The following TRAPPC9 variants were observed in gnomAD, a reference collection of about 807,000 sequenced individuals.
TRAPPC9 encodes IKK2 binding protein.
TRAPPC9 carries 83 observed loss-of-function variants against 124.0 expected under a neutral mutation model. That is an observed-to-expected ratio of 0.67 (90% CI 0.56 to 0.80). TRAPPC9 has a LOEUF of 0.80. Ranked by LOEUF, TRAPPC9 falls within the 30% of genes least tolerant of loss-of-function variation. The pLI is 0.00. For synonymous variants in TRAPPC9, 638 were observed against 617.5 expected, an observed-to-expected ratio of 1.03 and a Z score of -0.49; for missense variants, 1,302 against 1,508.3, an observed-to-expected ratio of 0.86 and a Z score of 2.27.
At chr8:140,378,172 C>G (rs996353796) in intron 7 of TRAPPC9, among the ~76,000 whole-genome samples, 1 of 152,156 alleles carries the variant, frequency 6.6e-6, no homozygotes, top group African/African-American at 2.4e-5. Context: ...CAACTTTAAA[C>G]TAAACCCTCT....
intron 21 of TRAPPC9, among the ~76,000 whole-genome samples, chr8:139,744,028 C>G (rs1001979037): frequency 6.6e-6 from 1 of 152,154 alleles, no homozygotes; most frequent in Non-Finnish European, 1.5e-5. Flanking sequence ...CACAGGTACA[C>G]GCGAACGTGC....
chr8:140,279,689 C>T (rs1255136758), intron 14 of TRAPPC9, among the ~76,000 whole-genome samples: 4 of 152,044 alleles, frequency 2.6e-5, no homozygotes, highest in South Asian at 4.1e-4. Context: ...CACGCACCCC[C>T]GTCACAGTGC....
intron 1 of TRAPPC9, among the ~76,000 whole-genome samples, chr8:140,451,707 G>A (rs181716076): frequency 2.7e-4 from 41 of 152,232 alleles, no homozygotes; most frequent in African/African-American, 7.0e-4. Flanking sequence ...GAATAAACAC[G>A]TGTGTAATTG....
At chr8:140,057,545 T>A (rs1012808172) in intron 17 of TRAPPC9, among the ~76,000 whole-genome samples, 13 of 152,298 alleles carry the variant, frequency 8.5e-5, no homozygotes, top group East Asian at 1.9e-4. Flanking sequence ...ACAACATGGA[T>A]GAGGCTTGAG....
At chr8:140,179,522 A>C (rs2062151149) in intron 17 of TRAPPC9, among the ~76,000 whole-genome samples, 1 of 152,104 alleles carries the variant, frequency 6.6e-6, no homozygotes, top group East Asian at 1.9e-4. Context: ...CAAATGTTCA[A>C]TGTGTATTTG....
At chr8:140,399,003 A>C (rs1000265414) in intron 6 of TRAPPC9, among the ~76,000 whole-genome samples, 2 of 152,238 alleles carry the variant, frequency 1.3e-5, no homozygotes, top group African/African-American at 4.8e-5. Flanking sequence ...CCAAGGCTGA[A>C]AGGAGCCAAC....
intron 21 of TRAPPC9, among the ~76,000 whole-genome samples, chr8:139,842,466 G>C (rs1826791715): frequency 6.6e-6 from 1 of 152,230 alleles, no homozygotes; most frequent in South Asian, 2.1e-4. Flanking sequence ...TGTCAAAGCA[G>C]ATACTGGCTT....
At chr8:139,785,703 T>C (rs1202429514) in intron 21 of TRAPPC9, among the ~76,000 whole-genome samples, 1 of 149,406 alleles carries the variant, frequency 6.7e-6, no homozygotes, top group African/African-American at 2.5e-5. Flanking sequence ...CACTCCAGCC[T>C]GGGCAACAGA....
At chr8:140,294,857 C>G (rs1254336045) in intron 11 of TRAPPC9, among the ~76,000 whole-genome samples, 3 of 152,262 alleles carry the variant, frequency 2.0e-5, no homozygotes, top group East Asian at 3.9e-4. Flanking sequence ...CTAATCCCCC[C>G]CACCTTGGCC....
At chr8:140,095,068 G>C (rs1193889414) in intron 17 of TRAPPC9, 2 of 152,214 alleles carry the variant, frequency 1.3e-5, no homozygotes, top group African/African-American at 2.4e-5. Context: ...CAATAACACA[G>C]GGTCTCTTCT....
chr8:140,417,145 G>A (rs984668910), intron 5 of TRAPPC9, among the ~76,000 whole-genome samples: 1 of 152,158 alleles, frequency 6.6e-6, no homozygotes, highest in Non-Finnish European at 1.5e-5. Flanking sequence ...ATACCATTCA[G>A]GACACAGGCA....
chr8:140,010,362 G>T (rs1027431836), intron 18 of TRAPPC9, among the ~76,000 whole-genome samples: 1 of 152,072 alleles, frequency 6.6e-6, no homozygotes, highest in Non-Finnish European at 1.5e-5. Flanking sequence ...ACTGAAGCCC[G>T]AATGAAGCCA....
At chr8:140,025,528 G>T (rs1284199157) in intron 17 of TRAPPC9, among the ~76,000 whole-genome samples, 1 of 147,920 alleles carries the variant, frequency 6.8e-6, no homozygotes, top group Non-Finnish European at 1.5e-5. Context: ...TTAAGCAAAG[G>T]TTTCATGGAT....
At chr8:140,099,338 C>T (rs982500744) in intron 17 of TRAPPC9, 3 of 151,348 alleles carry the variant, frequency 2.0e-5, no homozygotes, top group African/African-American at 7.3e-5. Flanking sequence ...TGCCGCAATC[C>T]GCAGGCTACT....
At chr8:139,750,488 C>G (rs1310667579) in intron 21 of TRAPPC9, among the ~76,000 whole-genome samples, 1 of 152,322 alleles carries the variant, frequency 6.6e-6, no homozygotes. Flanking sequence ...CACCTTAGGG[C>G]CAGGCAGCAC....
chr8:139,735,657 TG>T (rs1818110860), intron 21 of TRAPPC9, among the ~76,000 whole-genome samples: 2 of 141,916 alleles, frequency 1.4e-5, no homozygotes, highest in Admixed American at 1.4e-4. Context: ...CACCCTGCCC[TG>T]TTTTTTTTTT....
chr8:139,818,006 C>T (rs1824977135), intron 21 of TRAPPC9, among the ~76,000 whole-genome samples: 1 of 152,112 alleles, frequency 6.6e-6, no homozygotes, highest in Admixed American at 6.5e-5. Flanking sequence ...ACCGTGTGTA[C>T]CAGTATATGC....
At chr8:139,970,919 C>T (rs1291453129) in intron 19 of TRAPPC9, among the ~76,000 whole-genome samples, 1 of 152,092 alleles carries the variant, frequency 6.6e-6, no homozygotes. Context: ...CCCTCCACCC[C>T]AGCTGTGACT....
At chr8:139,811,563 C>T (rs961686399) in intron 21 of TRAPPC9, among the ~76,000 whole-genome samples, 5 of 152,160 alleles carry the variant, frequency 3.3e-5, no homozygotes, top group African/African-American at 1.2e-4. Context: ...CAAAGGCTTC[C>T]CAAGAGAAGC....
Sources: allele counts gnomAD v4.1 joint callset (sites outside exome capture counted in the v4.1 genomes callset), GRCh38; gene constraint gnomAD v4.1.1; transcripts MANE v1.5; gene names NCBI Gene and HGNC (gene_info 2026-07-23, HGNC 2026-07-21).